The following IFT140 variants were observed in gnomAD, a reference collection of about 807,000 sequenced individuals.
IFT140 encodes the protein intraflagellar transport protein 140 homolog.
Under a neutral mutation model 164.6 loss-of-function variants are expected in IFT140, and 133 were observed. The ratio of observed to expected loss-of-function variants is 0.81; its 90% CI spans 0.70 to 0.93. The LOEUF is 0.93. Ranked by LOEUF, IFT140 falls within the 40% of genes least tolerant of loss-of-function variation. The pLI is 0.00. For synonymous variants in IFT140, 860 were observed against 817.3 expected (o/e 1.05, Z -0.89); for missense variants, 2,045 against 1,972.3 (o/e 1.04, Z -0.70).
chr16:1,608,461 G>A (rs773850354), intron 2 of IFT140, among the ~76,000 whole-genome samples: 5 of 151,804 alleles, frequency 3.3e-5, no homozygotes, highest in Admixed American at 6.6e-5. Flanking sequence ...AACGCCACCC[G>A]CCTCTACTAA....
chr16:1,554,726 G>GATAA (rs2032948642), intron 19 of IFT140: 1 of 1,597,210 alleles, frequency 6.3e-7, no homozygotes, highest in Non-Finnish European at 8.5e-7. Context: ...GCTGGGGAAG[G>GATAA]AGTGGAACCC....
chr16:1,521,925 A>G (rs1166276829), intron 26 of IFT140, among the ~76,000 whole-genome samples: 2 of 150,842 alleles, frequency 1.3e-5, no homozygotes, highest in Non-Finnish European at 3.0e-5. Context: ...TTTAAAAAAA[A>G]AAAAAAAAAG....
intron 18 of IFT140, among the ~76,000 whole-genome samples, chr16:1,559,615 G>T (rs2033296211): frequency 6.6e-6 from 1 of 152,210 alleles, no homozygotes; most frequent in Non-Finnish European, 1.5e-5. Context: ...TACTTCCTGT[G>T]TCCCACACAG....
At chr16:1,572,233 A>AACTGGAAG (rs2034058506) in intron 13 of IFT140, among the ~76,000 whole-genome samples, 1 of 152,178 alleles carries the variant, frequency 6.6e-6, no homozygotes, top group Admixed American at 6.5e-5. Flanking sequence ...TTCTAAGTGA[A>AACTGGAAG]ACTGGAAGAC....
At chr16:1,580,874 G>A (rs1289640752) in intron 12 of IFT140, 24 bp from the exon 13 acceptor site, 8 of 1,530,224 alleles carry the variant, frequency 5.2e-6, no homozygotes, top group Non-Finnish European at 7.2e-6. Context: ...CGAACATCAG[G>A]ATGGCGGCCG....
At chr16:1,601,298 A>T (rs1460550403) in intron 4 of IFT140, among the ~76,000 whole-genome samples, 1 of 152,120 alleles carries the variant, frequency 6.6e-6, no homozygotes, top group Non-Finnish European at 1.5e-5. Context: ...CTAGAGAGAA[A>T]TAACAGAAAT....
At chr16:1,528,348 TGCAC>T (rs2029982942) in intron 19 of IFT140, among the ~76,000 whole-genome samples, 4 of 127,238 alleles carry the variant, frequency 3.1e-5, no homozygotes, top group African/African-American at 1.1e-4. Flanking sequence ...CACACACGCA[TGCAC>T]GCACGTGTGC....
chr16:1,557,660 A>T (rs1190087414), intron 19 of IFT140: 2 of 414,736 alleles, frequency 4.8e-6, no homozygotes, highest in Non-Finnish European at 4.3e-6. Flanking sequence ...TCCCAGAGGG[A>T]TGGGTATTAT....
intron 19 of IFT140, among the ~76,000 whole-genome samples, chr16:1,552,671 T>C (rs939164395): frequency 2.3e-5 from 3 of 130,252 alleles, no homozygotes; most frequent in African/African-American, 9.4e-5. Context: ...TTTTTTGAAA[T>C]GGAGTCTCGC....
At chr16:1,585,633 G>T (rs547488005) in intron 10 of IFT140, among the ~76,000 whole-genome samples, 46 of 152,046 alleles carry the variant, frequency 3.0e-4, no homozygotes, top group Non-Finnish European at 5.4e-4. Context: ...AACTAATACA[G>T]GTCCACAATC....
At chr16:1,582,673 G>T (rs1367151243) in intron 12 of IFT140, among the ~76,000 whole-genome samples, 1 of 152,270 alleles carries the variant, frequency 6.6e-6, no homozygotes, top group African/African-American at 2.4e-5. Flanking sequence ...GGAGGCCGAG[G>T]CAGGCAAATC....
chr16:1,575,796 A>G (rs2034245627), intron 13 of IFT140, among the ~76,000 whole-genome samples: 1 of 145,954 alleles, frequency 6.9e-6, no homozygotes, highest in Admixed American at 6.8e-5. Context: ...CAGGCCATTC[A>G]CTCTTTCCCA....
In IFT140 at chr16:1,537,440, C is replaced by T. The variant is rs534289657; in HGVS notation, c.2400-10644G>A. Among the ~76,000 whole-genome samples, 179 of 152,382 alleles carry T rather than the reference C, an allele frequency of 1.2e-3. 3 individuals carry two copies. Among genetic ancestry groups the T allele is most frequent in the Admixed American group, 4.6e-4 (7 of 15,308 alleles). ...TGAGGGACAGGGGACGCGCCCCGGA[C>T]ATCCTGAACTCTGGTCAGGGCAAAG... On this transcript the variant is annotated intron_variant, in intron 19 of 30. Coordinates refer to ENST00000426508, the MANE Select transcript of IFT140 (RefSeq NM_014714.4).
At chr16:1,536,700 C>G (rs1305343890) in intron 19 of IFT140, among the ~76,000 whole-genome samples, 2 of 152,186 alleles carry the variant, frequency 1.3e-5, no homozygotes, top group African/African-American at 4.8e-5. Context: ...AACACGGGGA[C>G]GCGCCCAGAG....
chr16:1,511,065 A>C lies in IFT140; in HGVS notation c.4268T>G (p.Val1423Gly), dbSNP rs1422906113. 2 of 1,607,994 alleles carry C rather than the reference A, an allele frequency of 1.2e-6. No homozygotes were observed. The highest frequency in any genetic ancestry group is 2.2e-5 in the South Asian group (2 of 90,204). ...CAGTGGGAGACCCAGCCCCCGGTGC[A>C]CGGCGTCCACGGCCTGCGGGCTCAC... The part of the protein sequence containing the change: ...YYVSPQAVDA[V>G]HRGLGLPLPR... The change falls in exon 31 of 31, where the codon GTG becomes GGG. Residue 1423 changes from valine to glycine, a missense_variant. Coordinates refer to ENST00000426508, the MANE Select transcript of IFT140 (RefSeq NM_014714.4).
intron 19 of IFT140, among the ~76,000 whole-genome samples, chr16:1,557,326 C>G (rs1013206637): frequency 6.6e-6 from 1 of 152,174 alleles, no homozygotes; most frequent in Admixed American, 6.5e-5. Context: ...AGGACGACAG[C>G]GGGCCGGGGT....
At chr16:1,598,799 C>G (rs912573035) in intron 4 of IFT140, among the ~76,000 whole-genome samples, 4 of 152,192 alleles carry the variant, frequency 2.6e-5, no homozygotes, top group Non-Finnish European at 4.4e-5. Flanking sequence ...CTTGGCCTCC[C>G]AAAGTGCCGA....
intron 19 of IFT140, among the ~76,000 whole-genome samples, chr16:1,540,116 C>T (rs371175677): frequency 3.3e-5 from 5 of 152,162 alleles, no homozygotes; most frequent in East Asian, 3.9e-4. Flanking sequence ...GATGCTGGGA[C>T]GCCGAAAGCC....
chr16:1,523,936 C>T lies in IFT140; in HGVS notation c.3162G>A (p.Gln1054=). The change falls in exon 25 of 31, where the codon CAG becomes CAA. Residue 1054 remains glutamine, a synonymous_variant. Coordinates refer to ENST00000426508, the MANE Select transcript of IFT140 (RefSeq NM_014714.4). The part of the protein sequence containing the change: ...RLCKENGLDD[Q]LMNLALLSSP... ...AGCTCAGCAGGGCCAAGTTCATGAG[C>T]TGGTCGTCCAGGCCGTTCTCCTGCA... 2 of 1,612,810 alleles carry T rather than the reference C, an allele frequency of 1.2e-6. No homozygotes were observed. The highest frequency in any genetic ancestry group is 1.7e-6 in the Non-Finnish European group (2 of 1,180,004).
Sources: allele counts gnomAD v4.1 joint callset (sites outside exome capture counted in the v4.1 genomes callset), GRCh38; gene constraint gnomAD v4.1.1; transcripts MANE v1.5; gene names NCBI Gene and HGNC (gene_info 2026-07-23, HGNC 2026-07-21).